Variants in TRERF1 observed in about 807,000 individuals in gnomAD.
TRERF1 encodes transcriptional regulating factor 1, also known as transcriptional-regulating factor 1.
Under a neutral mutation model 122.9 loss-of-function variants are expected in TRERF1, and 27 were observed. The ratio of observed to expected loss-of-function variants is 0.22; its 90% confidence interval spans 0.16 to 0.30. The LOEUF (loss-of-function observed/expected upper bound fraction) is 0.30, where lower values mean the gene tolerates loss of function less well. Among genes scored for constraint, TRERF1 ranks in the 10% least tolerant of loss-of-function variants. The pLI, the probability that TRERF1 is intolerant of heterozygous loss-of-function variation, is 1.00. For synonymous variants in TRERF1, 636 were observed against 641.7 expected (o/e 0.99, Z 0.13); for missense variants, 1,248 against 1,560.3 (o/e 0.80, Z 3.37).
chr6:42,369,099 A>C (rs1199574974), intron 2 of TRERF1, among the ~76,000 whole-genome samples: 1 of 152,128 alleles, frequency 6.6e-6, no homozygotes, highest in Non-Finnish European at 1.5e-5. Flanking sequence ...CAGTGATTTT[A>C]ATGTGCCTAC....
chr6:42,417,081 C>T (rs950114170), intron 2 of TRERF1, among the ~76,000 whole-genome samples: 4 of 152,090 alleles, frequency 2.6e-5, no homozygotes, highest in South Asian at 4.1e-4. Flanking sequence ...TTTAAGGCCT[C>T]ATCTTTTCTC....
At chr6:42,420,356 T>C (rs1289277309) in intron 2 of TRERF1, among the ~76,000 whole-genome samples, 1 of 152,154 alleles carries the variant, frequency 6.6e-6, no homozygotes, top group Admixed American at 6.5e-5. Flanking sequence ...TCCAGGAACC[T>C]GATAAGAAGC....
intron 14 of TRERF1, among the ~76,000 whole-genome samples, 184 bp from the exon 15 acceptor site, chr6:42,243,545 T>C (rs1390406744): frequency 2.6e-5 from 4 of 151,972 alleles, no homozygotes; most frequent in Non-Finnish European, 5.9e-5. Flanking sequence ...GCAACACAGG[T>C]AGCCCCTTGC....
Position 42,245,666 on chromosome 6 carries a change from T to C in TRERF1, c.2745+790A>G, listed in dbSNP as rs547279842. Among the ~76,000 whole-genome samples the C allele has an allele frequency of 2.2e-4, 34 of 152,378 alleles. 1 individual carries two copies. In the South Asian group the frequency reaches 7.0e-3, roughly 32 times the overall value. On this transcript the variant is annotated intron_variant, in intron 14 of 17. Transcript: ENST00000372922. Reference sequence around the variant, plus strand: ...GTGAAAGTTTTATTTTGCTTTCGAATGCTGTATACGCAAGGTATTTTTATT... The same window carrying C: ...GTGAAAGTTTTATTTTGCTTTCGAACGCTGTATACGCAAGGTATTTTTATT...
At chr6:42,247,807 G>A (rs1425871240) in intron 13 of TRERF1, among the ~76,000 whole-genome samples, 1 of 152,162 alleles carries the variant, frequency 6.6e-6, no homozygotes, top group Non-Finnish European at 1.5e-5. Flanking sequence ...AGAAAACTCA[G>A]TCTTATTCTT....
At position 42,354,504 on chromosome 6, in the gene TRERF1, T is replaced by C. The variant is rs78403527; in HGVS notation, c.-371+8493A>G. On this transcript the variant is annotated intron_variant, in intron 3 of 17. Coordinates refer to ENST00000372922, the Ensembl canonical transcript of TRERF1. Reference sequence around the variant, plus strand: ...TTCAATGCTATAGATTTCCTATGCCTCTACATTTTGCACTTTAATTGTTTA... The same window carrying C: ...TTCAATGCTATAGATTTCCTATGCCCCTACATTTTGCACTTTAATTGTTTA... 7.5e-3 allele frequency among the ~76,000 whole-genome samples: 1,140 copies of C among 152,250 alleles called. 16 individuals are homozygous for C. The highest frequency in any genetic ancestry group is 0.025 in the African/African-American group (1,025 of 41,556).
chr6:42,383,607 G>A (rs1317286879), intron 2 of TRERF1, among the ~76,000 whole-genome samples: 1 of 152,126 alleles, frequency 6.6e-6, no homozygotes, highest in East Asian at 1.9e-4. Flanking sequence ...GCCCCCAGCA[G>A]CCTCCAATGC....
At chr6:42,338,921 G>T (rs912089743) in intron 3 of TRERF1, among the ~76,000 whole-genome samples, 75 of 152,190 alleles carry the variant, frequency 4.9e-4, no homozygotes, top group African/African-American at 1.4e-3. Context: ...GTGCCAGACA[G>T]TTGGCTGACT....
chr6:42,399,860 T>C (rs1172444537), intron 2 of TRERF1, among the ~76,000 whole-genome samples: 1 of 152,162 alleles, frequency 6.6e-6, no homozygotes, highest in Non-Finnish European at 1.5e-5. Context: ...CCATCCCCCA[T>C]GGTCAGATCC....
chr6:42,308,451 G>C (rs1787664990), intron 3 of TRERF1, among the ~76,000 whole-genome samples: 1 of 152,224 alleles, frequency 6.6e-6, no homozygotes, highest in Non-Finnish European at 1.5e-5. Flanking sequence ...GTTAGTGGTT[G>C]CAAGGGGCTG....
At chr6:42,388,289 T>A (rs1225045879) in intron 2 of TRERF1, among the ~76,000 whole-genome samples, 2 of 151,618 alleles carry the variant, frequency 1.3e-5, no homozygotes, top group African/African-American at 2.4e-5. Flanking sequence ...AATACTAACA[T>A]GAAGTTGGGT....
intron 3 of TRERF1, among the ~76,000 whole-genome samples, chr6:42,360,863 TC>T (rs1157695683): frequency 1.4e-5 from 2 of 142,472 alleles, no homozygotes; most frequent in Admixed American, 1.4e-4. Context: ...GTCCACCCTA[TC>T]CCTGCACATG....
rs562380729 is a variant in TRERF1 at position 42,355,206 on chromosome 6, T to C, written c.-371+7791A>G. Among the ~76,000 whole-genome samples the C allele has an allele frequency of 4.3e-4, 66 of 152,356 alleles. 1 individual carries two copies. In the South Asian group the frequency reaches 0.01, roughly 24 times the overall value. On this transcript the variant is annotated intron_variant, in intron 3 of 17. Transcript: ENST00000372922. Reference sequence around the variant, plus strand: ...ATAGCGGCAGTGGGCTGCATGAACCTGATATTCCTTATAATATTAAAGATT... The same window carrying C: ...ATAGCGGCAGTGGGCTGCATGAACCCGATATTCCTTATAATATTAAAGATT...
intron 2 of TRERF1, among the ~76,000 whole-genome samples, chr6:42,424,714 G>C (rs1783340250): frequency 1.3e-5 from 2 of 152,078 alleles, no homozygotes; most frequent in Non-Finnish European, 1.5e-5. Context: ...TTTGCCCATC[G>C]AACAGGGAAG....
At chr6:42,350,774 G>A (rs897748302) in intron 3 of TRERF1, among the ~76,000 whole-genome samples, 5 of 152,070 alleles carry the variant, frequency 3.3e-5, no homozygotes, top group African/African-American at 1.2e-4. Flanking sequence ...ACCACACATC[G>A]GGGCTCCAAC....
rs1186378666 is a variant in TRERF1 at position 42,275,696 on chromosome 6, A to AATTT, written c.-258-5852_-258-5849dup. ...GCCTCTGACATGGACTAAGGGACAG[A>AATTT]ATTTACTAGTTTCTGTTGAGGGCAT... On this transcript the variant is annotated intron_variant, in intron 4 of 17. Transcript: ENST00000372922. The surrounding 1 kb of genome is among the most constrained non-coding windows in gnomAD (Gnocchi z 4.1). Among the ~76,000 whole-genome samples the AATTT allele has an allele frequency of 6.6e-6, 1 of 152,224 alleles. No individual in the cohort carries two copies. Among genetic ancestry groups the AATTT allele is most frequent in the Non-Finnish European group, 1.5e-5 (1 of 68,044 alleles).
chr6:42,312,348 T>A (rs932796194), intron 3 of TRERF1, among the ~76,000 whole-genome samples: 2 of 152,190 alleles, frequency 1.3e-5, no homozygotes, highest in Non-Finnish European at 2.9e-5. Context: ...TGCAGCTGTG[T>A]CCAAAAGAGA....
At chr6:42,231,925 A>G (rs1770617417) in intron 17 of TRERF1, among the ~76,000 whole-genome samples, 1 of 152,262 alleles carries the variant, frequency 6.6e-6, no homozygotes, top group African/African-American at 2.4e-5. Flanking sequence ...TAAAACAAAG[A>G]TAAAAAAACA....
chr6:42,285,131 ATTTG>A (rs949450470), intron 4 of TRERF1, among the ~76,000 whole-genome samples: 5 of 152,132 alleles, frequency 3.3e-5, no homozygotes, highest in African/African-American at 1.2e-4. Context: ...ATGTTCTTCC[ATTTG>A]TTTGTATCCT....
Sources: gnomAD v4.1 joint callset for allele counts (sites outside exome capture counted in the v4.1 genomes callset) on GRCh38, gnomAD v4.1.1 for gene constraint, Gnocchi (gnomAD v3.1) non-coding constraint, MANE v1.5 for transcripts, NCBI Gene and HGNC (gene_info 2026-07-23, HGNC 2026-07-21) for gene names.